Variants in DGKB observed in about 807,000 individuals in gnomAD.
The protein encoded by DGKB is 90 kDa diacylglycerol kinase.
In DGKB, 67 loss-of-function variants were observed where a neutral mutation model predicts 114.3. The ratio of observed to expected loss-of-function variants is 0.59; its 90% CI spans 0.48 to 0.72. The LOEUF (loss-of-function observed/expected upper bound fraction) is 0.72, where lower values mean the gene tolerates loss of function less well. Among genes scored for constraint, DGKB ranks in the 30% least tolerant of loss-of-function variants. DGKB has a pLI of 0.00. For synonymous variants in DGKB, 398 were observed against 323.1 expected, an observed-to-expected ratio of 1.23 and a Z score of -2.49; for missense variants, 907 against 975.2, an observed-to-expected ratio of 0.93 and a Z score of 0.93.
intron 2 of DGKB, among the ~76,000 whole-genome samples, chr7:14,766,807 A>G (rs1312830873): frequency 6.6e-6 from 1 of 151,880 alleles, no homozygotes; most frequent in Non-Finnish European, 1.5e-5. Flanking sequence ...CTAGGAAACT[A>G]AGAATGAATG....
At chr7:14,940,933 T>C (rs1322328458) in intron 1 of DGKB, among the ~76,000 whole-genome samples, 1 of 152,100 alleles carries the variant, frequency 6.6e-6, no homozygotes, top group Non-Finnish European at 1.5e-5. Context: ...TTTTTAATAA[T>C]TTATTAGACT....
At chr7:14,565,787 T>C (rs1056752933) in intron 20 of DGKB, among the ~76,000 whole-genome samples, 2 of 152,150 alleles carry the variant, frequency 1.3e-5, no homozygotes, top group African/African-American at 4.8e-5. Flanking sequence ...GAAGATATTC[T>C]AGGATGGTCT....
chr7:14,963,492 A>G (rs976278562), intron 1 of DGKB, among the ~76,000 whole-genome samples: 1 of 152,178 alleles, frequency 6.6e-6, no homozygotes, highest in African/African-American at 2.4e-5. Context: ...TAGTTTGTAA[A>G]TGGTAAGATG....
At chr7:14,459,724 T>A (rs1361096562) in intron 21 of DGKB, among the ~76,000 whole-genome samples, 1 of 151,938 alleles carries the variant, frequency 6.6e-6, no homozygotes, top group Non-Finnish European at 1.5e-5. Context: ...AGGCCAACAT[T>A]CAAATTCAGG....
chr7:14,648,296 C>A (rs996582471), intron 13 of DGKB, among the ~76,000 whole-genome samples: 1 of 152,208 alleles, frequency 6.6e-6, no homozygotes, highest in Non-Finnish European at 1.5e-5. Flanking sequence ...AGCTGGAGAT[C>A]TGAGAACGGG....
intron 23 of DGKB, among the ~76,000 whole-genome samples, chr7:14,214,560 T>C (rs1314138459): frequency 6.6e-6 from 1 of 152,144 alleles, no homozygotes; most frequent in Non-Finnish European, 1.5e-5. Flanking sequence ...TTTAGTTATT[T>C]TAATTTTCTC....
At chr7:14,946,193 G>A (rs1397221678) in intron 1 of DGKB, among the ~76,000 whole-genome samples, 7 of 151,284 alleles carry the variant, frequency 4.6e-5, no homozygotes, top group Admixed American at 4.0e-4. Flanking sequence ...AGTTGATTTT[G>A]TAGTTTTATT....
chr7:14,739,453 G>T (rs1415741129), intron 4 of DGKB, among the ~76,000 whole-genome samples: 1 of 152,180 alleles, frequency 6.6e-6, no homozygotes, highest in Admixed American at 6.5e-5. Flanking sequence ...TATTCAATTT[G>T]TGAGGTGGAA....
chr7:14,329,491 G>A (rs1398493824), intron 23 of DGKB, among the ~76,000 whole-genome samples: 1 of 151,896 alleles, frequency 6.6e-6, no homozygotes, highest in African/African-American at 2.4e-5. Flanking sequence ...TCTATCTGGA[G>A]GAACAAGGAA....
intron 1 of DGKB, among the ~76,000 whole-genome samples, chr7:14,841,899 TTAAG>T (rs1422694304): frequency 1.3e-5 from 2 of 152,176 alleles, no homozygotes; most frequent in Non-Finnish European, 2.9e-5. Flanking sequence ...CAAATAAAGA[TTAAG>T]TTTTAGTTTT....
At chr7:14,501,118 A>C (rs2128954533) in intron 20 of DGKB, among the ~76,000 whole-genome samples, 1 of 152,000 alleles carries the variant, frequency 6.6e-6, no homozygotes, top group Middle Eastern at 3.4e-3. Flanking sequence ...TTCAGGGAAA[A>C]AATCAAATCC....
chr7:14,303,806 C>T (rs748480450), intron 23 of DGKB, among the ~76,000 whole-genome samples: 6 of 151,952 alleles, frequency 3.9e-5, no homozygotes, highest in African/African-American at 7.2e-5. Context: ...GAGCCTTTCA[C>T]CGAAGGTGGC....
intron 12 of DGKB, among the ~76,000 whole-genome samples, chr7:14,679,213 C>G (rs1175816216): frequency 6.6e-6 from 1 of 150,752 alleles, no homozygotes; most frequent in African/African-American, 2.5e-5. Flanking sequence ...TTATGTGCAC[C>G]CAAATGTATT....
At position 14,525,998 on chromosome 7, in the gene DGKB, A is replaced by T. The variant is rs1431537; in HGVS notation, c.1771-47773T>A. Among the ~76,000 whole-genome samples, 3 of 152,240 alleles carry T rather than the reference A, an allele frequency of 2.0e-5. No homozygotes were observed. The South Asian group carries it at 6.2e-4, about 32-fold the overall frequency. On this transcript the variant is annotated intron_variant, in intron 20 of 25. Transcript: ENST00000402815. Reference sequence around the variant, plus strand: ...TATGTGCACATTCTCAAAAAGCTAAACAAACTAATTTCTATATTATATTTT... The same window carrying T: ...TATGTGCACATTCTCAAAAAGCTAATCAAACTAATTTCTATATTATATTTT...
At chr7:14,192,440 T>A (rs1232790639) in intron 23 of DGKB, among the ~76,000 whole-genome samples, 1 of 152,114 alleles carries the variant, frequency 6.6e-6, no homozygotes, top group African/African-American at 2.4e-5. Context: ...CTGTAAAACT[T>A]TGATGAAAAA....
intron 1 of DGKB, among the ~76,000 whole-genome samples, chr7:14,912,322 T>G (rs1234815231): frequency 6.6e-6 from 1 of 152,204 alleles, no homozygotes; most frequent in African/African-American, 2.4e-5. Context: ...AACTACTTCA[T>G]ATTTGTTGAA....
intron 20 of DGKB, among the ~76,000 whole-genome samples, chr7:14,552,938 GA>G (rs1795310748): frequency 6.6e-6 from 1 of 152,180 alleles, no homozygotes; most frequent in Non-Finnish European, 1.5e-5. Context: ...CAGAAACCTA[GA>G]AAGTCAAATT....
chr7:14,296,581 C>G (rs1019716752), intron 23 of DGKB, among the ~76,000 whole-genome samples: 5 of 151,996 alleles, frequency 3.3e-5, no homozygotes, highest in Non-Finnish European at 7.4e-5. Context: ...AATTGCCAAA[C>G]ATGAGAAAGC....
intron 2 of DGKB, among the ~76,000 whole-genome samples, chr7:14,807,924 G>A (rs1251683766): frequency 6.6e-6 from 1 of 151,840 alleles, no homozygotes; most frequent in African/African-American, 2.4e-5. Flanking sequence ...TTATTTTAAA[G>A]CCAGGAATAG....
Sources: gnomAD v4.1 joint callset for allele counts (sites outside exome capture counted in the v4.1 genomes callset) on GRCh38, gnomAD v4.1.1 for gene constraint, MANE v1.5 for transcripts, NCBI Gene and HGNC (gene_info 2026-07-23, HGNC 2026-07-21) for gene names.